The following GRM5 variants were observed in gnomAD, a reference collection of about 807,000 sequenced individuals.
GRM5 encodes the protein glutamate metabotropic receptor 5.
In GRM5, 19 loss-of-function variants were observed where a neutral mutation model predicts 83.1. The observed-to-expected ratio is 0.23, with a 90% CI of 0.16 to 0.34. GRM5 has a LOEUF of 0.34. GRM5 is among the 10% of genes least tolerant of loss of function. The pLI is 1.00. For missense variants in GRM5, 1,160 were observed against 1,588.3 expected (o/e 0.73, Z 4.58); for synonymous variants, 675 against 633.6 (o/e 1.07, Z -0.98).
At chr11:88,641,306 C>T (rs927712754) in intron 4 of GRM5, among the ~76,000 whole-genome samples, 5 of 152,004 alleles carry the variant, frequency 3.3e-5, no homozygotes, top group African/African-American at 1.2e-4. Context: ...CACCATGATC[C>T]GATCACCTAC....
At chr11:88,824,322 C>T (rs75825744) in intron 3 of GRM5, among the ~76,000 whole-genome samples, 3,876 of 152,200 alleles carry the variant, frequency 0.025, 174 homozygotes, top group African/African-American at 0.089. Flanking sequence ...GATGAACATA[C>T]AAGGAACTAC....
chr11:88,560,126 C>T (rs952352156), intron 8 of GRM5, among the ~76,000 whole-genome samples: 8 of 152,052 alleles, frequency 5.3e-5, no homozygotes, highest in African/African-American at 1.9e-4. Context: ...GCAAGGCTAG[C>T]TAAGGGTGAA....
At chr11:88,605,318 A>G (rs1395111656) in intron 4 of GRM5, among the ~76,000 whole-genome samples, 2 of 151,856 alleles carry the variant, frequency 1.3e-5, no homozygotes, top group African/African-American at 4.8e-5. Context: ...CTGTGATAAT[A>G]TACCTTTTTG....
At chr11:88,824,901 T>C (rs907762330) in intron 3 of GRM5, among the ~76,000 whole-genome samples, 4 of 152,200 alleles carry the variant, frequency 2.6e-5, no homozygotes, top group Admixed American at 6.5e-5. Flanking sequence ...CTTTTATGAG[T>C]CATATTTCAT....
At chr11:88,703,084 G>A (rs1005951985) in intron 3 of GRM5, among the ~76,000 whole-genome samples, 5 of 48,994 alleles carry the variant, frequency 1.0e-4, no homozygotes, top group Non-Finnish European at 7.0e-4. Context: ...CTCAACATGG[G>A]CAATCCAAAA....
intron 3 of GRM5, among the ~76,000 whole-genome samples, chr11:88,689,859 G>C (rs901273742): frequency 6.6e-6 from 1 of 152,142 alleles, no homozygotes; most frequent in Non-Finnish European, 1.5e-5. Flanking sequence ...GACTAAGCCA[G>C]GGGGGTATAA....
chr11:88,886,747 C>T (rs1590939388), intron 2 of GRM5, among the ~76,000 whole-genome samples: 1 of 152,168 alleles, frequency 6.6e-6, no homozygotes, highest in African/African-American at 2.4e-5. Flanking sequence ...TCATAATTTC[C>T]TCCTTTCCTG....
intron 2 of GRM5, among the ~76,000 whole-genome samples, chr11:88,940,046 A>C (rs143533084): frequency 6.6e-6 from 1 of 151,952 alleles, no homozygotes; most frequent in Non-Finnish European, 1.5e-5. Flanking sequence ...ATATCATTCA[A>C]TGAAGCTTAC....
chr11:88,814,188 C>A (rs2135500786), intron 3 of GRM5, among the ~76,000 whole-genome samples: 1 of 152,170 alleles, frequency 6.6e-6, no homozygotes, highest in Admixed American at 6.5e-5. Flanking sequence ...AGAGTAATCC[C>A]TGAGAAATGA....
intron 1 of GRM5, among the ~76,000 whole-genome samples, chr11:89,058,657 GT>G (rs566346485): frequency 3.8e-4 from 58 of 152,228 alleles, no homozygotes; most frequent in African/African-American, 1.3e-3. Context: ...GTATTATCTT[GT>G]TGAAAAGGTA....
chr11:88,753,030 T>C (rs1009035402), intron 3 of GRM5, among the ~76,000 whole-genome samples: 11 of 152,066 alleles, frequency 7.2e-5, no homozygotes, highest in Non-Finnish European at 5.9e-5. Context: ...GCAATACCAT[T>C]CAGGACAGAG....
chr11:88,907,040 A>C (rs1945415675), intron 2 of GRM5, among the ~76,000 whole-genome samples: 1 of 151,890 alleles, frequency 6.6e-6, no homozygotes, highest in Non-Finnish European at 1.5e-5. Flanking sequence ...ACAGGGAAAG[A>C]ATCCTGGCCT....
intron 3 of GRM5, among the ~76,000 whole-genome samples, chr11:88,743,477 C>G (rs10831342): frequency 2.0e-5 from 3 of 152,038 alleles, no homozygotes; most frequent in African/African-American, 7.2e-5. Flanking sequence ...TAATTTGCCT[C>G]ACTGCTGGAT....
intron 2 of GRM5, among the ~76,000 whole-genome samples, chr11:88,883,033 C>T (rs587303): frequency 0.28 from 41,894 of 152,090 alleles, 6,811 homozygotes; most frequent in Non-Finnish European, 0.37. Flanking sequence ...TCCCCAGCCA[C>T]ATGCAACTGT....
intron 3 of GRM5, among the ~76,000 whole-genome samples, chr11:88,799,304 A>G (rs1025291300): frequency 3.9e-5 from 6 of 152,198 alleles, no homozygotes; most frequent in Non-Finnish European, 4.4e-5. Context: ...ATGAAGATTT[A>G]AAGCTAACCG....
At chr11:88,536,386 A>T (rs1363183786) in intron 8 of GRM5, among the ~76,000 whole-genome samples, 9 of 152,180 alleles carry the variant, frequency 5.9e-5, no homozygotes, top group Non-Finnish European at 1.0e-4. Context: ...ATGATTTAGG[A>T]GTTCTTTCCA....
intron 2 of GRM5, among the ~76,000 whole-genome samples, chr11:88,917,163 G>C (rs1945609652): frequency 1.3e-5 from 2 of 152,154 alleles, no homozygotes; most frequent in Admixed American, 1.3e-4. Context: ...CACTGCTTGG[G>C]AGAAAGTAAG....
chr11:89,001,446 A>C (rs1248246897), intron 2 of GRM5, among the ~76,000 whole-genome samples: 5 of 152,138 alleles, frequency 3.3e-5, no homozygotes, highest in African/African-American at 1.2e-4. Context: ...GAAAAAGCCA[A>C]ACCCGGAAAG....
intron 2 of GRM5, among the ~76,000 whole-genome samples, chr11:88,923,214 A>T (rs1329280400): frequency 1.3e-5 from 2 of 152,142 alleles, no homozygotes; most frequent in Non-Finnish European, 2.9e-5. Flanking sequence ...ACCCAAAAGG[A>T]AGGAAAACAG....
Sources: gnomAD v4.1 joint callset for allele counts (sites outside exome capture counted in the v4.1 genomes callset) on GRCh38, gnomAD v4.1.1 for gene constraint, MANE v1.5 for transcripts, NCBI Gene and HGNC (gene_info 2026-07-23, HGNC 2026-07-21) for gene names.